NOS1AP: variants seen among roughly 807,000 people sequenced by gnomAD.
NOS1AP encodes the protein carboxyl-terminal PDZ ligand of neuronal nitric oxide synthase protein.
In NOS1AP, 21 loss-of-function variants were observed where a neutral mutation model predicts 56.2. The ratio of observed to expected loss-of-function variants is 0.37; its 90% CI spans 0.26 to 0.54. NOS1AP has a LOEUF of 0.54. Among genes scored for constraint, NOS1AP ranks in the 20% least tolerant of loss-of-function variants. NOS1AP has a pLI of 0.84. For synonymous variants in NOS1AP, 270 were observed against 274.6 expected, an observed-to-expected ratio of 0.98 and a Z score of 0.17; for missense variants, 522 against 657.8, an observed-to-expected ratio of 0.79 and a Z score of 2.26.
chr1:162,349,354 G>C (rs1262484143), intron 6 of NOS1AP, among the ~76,000 whole-genome samples: 2 of 152,146 alleles, frequency 1.3e-5, no homozygotes, highest in African/African-American at 4.8e-5. Context: ...CAAATACCTT[G>C]GTATGGTAGT....
At position 162,357,057 on chromosome 1, in the gene NOS1AP, T is replaced by C; in HGVS notation, c.860T>C (p.Leu287Pro). The C allele has an allele frequency of 6.2e-7, 1 of 1,613,426 alleles. No individual in the cohort carries two copies. The highest frequency in any genetic ancestry group is 1.1e-5 in the South Asian group (1 of 91,082). ...KPPGLGTETP[L>P]STHHQMQLLQ... ...CCAGGCCTGGGCACAGAGACACCGC[T>C]GTCCACTCACCACCAGATGCAGCTC... The change falls in exon 8 of 10, where the codon CTG becomes CCG. Residue 287 changes from leucine (L) to proline (P), a missense_variant. Around this residue, in one of 4 missense-constraint regions of NOS1AP, gnomAD observed 178 missense variants for 165.0 expected, o/e 1.08. Transcript: ENST00000361897.
chr1:162,181,942 A>C (rs1651278841), intron 2 of NOS1AP, among the ~76,000 whole-genome samples: 1 of 152,210 alleles, frequency 6.6e-6, no homozygotes, highest in Admixed American at 6.5e-5. Context: ...ACTCTGGAGA[A>C]TTCCTGGATA....
intron 1 of NOS1AP, among the ~76,000 whole-genome samples, chr1:162,079,510 G>T (rs897797371): frequency 2.0e-5 from 3 of 152,128 alleles, no homozygotes; most frequent in African/African-American, 7.2e-5. Flanking sequence ...CTGTGTTTGG[G>T]TTCAAATCCT....
chr1:162,343,017 T>C (rs187692519), intron 5 of NOS1AP, among the ~76,000 whole-genome samples: 2 of 152,282 alleles, frequency 1.3e-5, no homozygotes, highest in Admixed American at 1.3e-4. Context: ...AAAGCTGACA[T>C]CTTCAAACCA....
At chr1:162,198,826 G>A (rs1651889801) in intron 2 of NOS1AP, among the ~76,000 whole-genome samples, 1 of 152,112 alleles carries the variant, frequency 6.6e-6, no homozygotes, top group African/African-American at 2.4e-5. Flanking sequence ...GAGTGAGGCT[G>A]GAGGACACTG....
intron 4 of NOS1AP, among the ~76,000 whole-genome samples, chr1:162,329,958 C>T (rs1656712027): frequency 6.6e-6 from 1 of 152,174 alleles, no homozygotes; most frequent in Admixed American, 6.5e-5. Context: ...GTGGCTGCAT[C>T]CATGTACAGT....
chr1:162,110,514 A>C (rs1647669989), intron 1 of NOS1AP, among the ~76,000 whole-genome samples: 1 of 152,158 alleles, frequency 6.6e-6, no homozygotes, highest in African/African-American at 2.4e-5. Context: ...CTAAGACCCC[A>C]ATCAGAATCT....
At chr1:162,358,547 C>T (rs1267113704) in intron 8 of NOS1AP, among the ~76,000 whole-genome samples, 4 of 152,102 alleles carry the variant, frequency 2.6e-5, no homozygotes, top group Non-Finnish European at 1.5e-5. Context: ...TTAATGGCTT[C>T]TTATATTTGG....
intron 1 of NOS1AP, among the ~76,000 whole-genome samples, chr1:162,116,955 C>T (rs911994986): frequency 2.0e-5 from 3 of 152,154 alleles, no homozygotes; most frequent in South Asian, 2.1e-4. Flanking sequence ...TATATTTCAT[C>T]TGTTTTGGAA....
intron 2 of NOS1AP, among the ~76,000 whole-genome samples, chr1:162,184,206 CA>C (rs1436439297): frequency 6.6e-6 from 1 of 152,152 alleles, no homozygotes; most frequent in Non-Finnish European, 1.5e-5. Context: ...GTGGAGCAGT[CA>C]GAACACATAC....
At chr1:162,121,082 ATTTTTTTT>A (rs372854857) in intron 1 of NOS1AP, among the ~76,000 whole-genome samples, 5 of 103,068 alleles carry the variant, frequency 4.9e-5, no homozygotes, top group East Asian at 2.8e-4. Context: ...GCACACTAGG[ATTTTTTTT>A]TTTTTTTTTT....
At chr1:162,167,352 T>G (rs1249924601) in intron 2 of NOS1AP, among the ~76,000 whole-genome samples, 1 of 152,200 alleles carries the variant, frequency 6.6e-6, no homozygotes, top group Non-Finnish European at 1.5e-5. Context: ...ATCTAGCCTT[T>G]CTCCTACAGT....
chr1:162,315,099 C>A (rs895389952), intron 4 of NOS1AP, among the ~76,000 whole-genome samples: 7 of 152,202 alleles, frequency 4.6e-5, no homozygotes, highest in African/African-American at 7.2e-5. Flanking sequence ...CTTTATGTTA[C>A]CCTCAGTGTC....
At chr1:162,212,799 T>C (rs998087618) in intron 2 of NOS1AP, among the ~76,000 whole-genome samples, 126 of 105,020 alleles carry the variant, frequency 1.2e-3, no homozygotes, top group African/African-American at 4.6e-3. Context: ...GCTGGGATGT[T>C]GCTTCTGCCC....
At chr1:162,349,370 A>G (rs1476838999) in intron 6 of NOS1AP, among the ~76,000 whole-genome samples, 2 of 152,230 alleles carry the variant, frequency 1.3e-5, no homozygotes, top group African/African-American at 2.4e-5. Context: ...GTAGTGGCCT[A>G]GCCCAGTTGA....
intron 2 of NOS1AP, among the ~76,000 whole-genome samples, chr1:162,227,858 G>A (rs562264905): frequency 3.3e-5 from 5 of 152,274 alleles, no homozygotes; most frequent in African/African-American, 9.6e-5. Flanking sequence ...ACAGGTGGAA[G>A]ACCTGTCAAA....
intron 1 of NOS1AP, among the ~76,000 whole-genome samples, chr1:162,088,144 G>A (rs1381473999): frequency 1.3e-5 from 2 of 152,062 alleles, no homozygotes; most frequent in African/African-American, 4.8e-5. Context: ...AGCAGGAAGA[G>A]GCCTATATGT....
chr1:162,326,844 G>A (rs1238441375), intron 4 of NOS1AP, among the ~76,000 whole-genome samples: 2 of 152,234 alleles, frequency 1.3e-5, no homozygotes, highest in South Asian at 4.1e-4. Flanking sequence ...TGATGACAGA[G>A]TAAGATGAGG....
chr1:162,086,486 T>C (rs990245876), intron 1 of NOS1AP, among the ~76,000 whole-genome samples: 4 of 152,200 alleles, frequency 2.6e-5, no homozygotes, highest in African/African-American at 9.6e-5. Flanking sequence ...AGAAGCACTG[T>C]ATCTGACTTG....
Sources: allele counts gnomAD v4.1 joint callset (sites outside exome capture counted in the v4.1 genomes callset), GRCh38; gene constraint gnomAD v4.1.1; regional missense constraint gnomAD v4.1.1; transcripts MANE v1.5; gene names NCBI Gene and HGNC (gene_info 2026-07-23, HGNC 2026-07-21).